Variants in KCTD8 observed in about 807,000 individuals in gnomAD.
The protein encoded by KCTD8 is BTB/POZ domain-containing protein KCTD8.
KCTD8 carries 27 observed loss-of-function variants against 31.5 expected under a neutral mutation model. The observed-to-expected ratio is 0.86, with a 90% CI of 0.63 to 1.18. The LOEUF (loss-of-function observed/expected upper bound fraction) is 1.18. Among genes scored for constraint, KCTD8 ranks in the 50% most tolerant of loss-of-function variants. The probability of loss-of-function intolerance (pLI) is 0.00; values close to 1 mark genes in which losing one functional copy is unlikely to be tolerated. For synonymous variants in KCTD8, 290 were observed against 280.0 expected, an observed-to-expected ratio of 1.04 and a Z score of -0.36; for missense variants, 658 against 647.7, an observed-to-expected ratio of 1.02 and a Z score of -0.17.
intron 1 of KCTD8, among the ~76,000 whole-genome samples, chr4:44,226,039 A>G (rs1266841424): frequency 6.6e-6 from 1 of 152,106 alleles, no homozygotes; most frequent in African/African-American, 2.4e-5. Context: ...CGTGTTAGCC[A>G]GGATGGTCTC....
intron 1 of KCTD8, among the ~76,000 whole-genome samples, chr4:44,347,245 A>C (rs12507610): frequency 0.23 from 35,502 of 152,198 alleles, 4,840 homozygotes; most frequent in Non-Finnish European, 0.31. Context: ...ACACCTAATA[A>C]ATGAAAGGTC....
chr4:44,186,655 C>A (rs572790910), intron 1 of KCTD8, among the ~76,000 whole-genome samples: 1 of 152,204 alleles, frequency 6.6e-6, no homozygotes, highest in East Asian at 1.9e-4. Context: ...GCGTCCTCCC[C>A]CTAGGGGTTT....
chr4:44,188,564 C>T (rs76231947), intron 1 of KCTD8, among the ~76,000 whole-genome samples: 1,532 of 152,176 alleles, frequency 0.01, 23 homozygotes, highest in African/African-American at 0.035. Context: ...GATAGCAGGC[C>T]CGAATCCCTG....
intron 1 of KCTD8, among the ~76,000 whole-genome samples, chr4:44,419,570 A>G (rs1721161688): frequency 6.6e-6 from 1 of 152,168 alleles, no homozygotes; most frequent in African/African-American, 2.4e-5. Flanking sequence ...ATGAAGCTGG[A>G]AACCATCATT....
intron 1 of KCTD8, among the ~76,000 whole-genome samples, chr4:44,205,056 C>T (rs927567299): frequency 7.2e-5 from 11 of 151,874 alleles, no homozygotes; most frequent in African/African-American, 2.7e-4. Context: ...GTAATGTGTT[C>T]TTTACTAGAA....
At chr4:44,206,668 C>T in intron 1 of KCTD8, among the ~76,000 whole-genome samples, 1 of 152,136 alleles carries the variant, frequency 6.6e-6, no homozygotes, top group East Asian at 1.9e-4. Flanking sequence ...TCTCTGCATA[C>T]CCCAATGAGA....
At chr4:44,265,024 CTT>C (rs1716300413) in intron 1 of KCTD8, among the ~76,000 whole-genome samples, 1 of 152,156 alleles carries the variant, frequency 6.6e-6, no homozygotes, top group Admixed American at 6.5e-5. Context: ...TGTCTGACAG[CTT>C]TGAAGAGAGC....
At position 44,446,530 on chromosome 4, in the gene KCTD8, CCCCACTCCCAAT is replaced by C. The variant is rs200517470; in HGVS notation, c.961+1021_961+1032del. ...GAGAATTGTGCCCACCACAGCCCCA[CCCCACTCCCAAT>C]CCCACTCCCAATCCCCAGGTTCAGA... On this transcript the variant is annotated intron_variant, in intron 1 of 1. Coordinates refer to ENST00000360029, the MANE Select transcript of KCTD8 (RefSeq NM_198353.3). Among the ~76,000 whole-genome samples, 1,224 of 152,132 alleles carry C rather than the reference CCCCACTCCCAAT, an allele frequency of 8.0e-3. 22 individuals are homozygous for C. Among genetic ancestry groups the C allele is most frequent in the Admixed American group, 0.018 (279 of 15,292 alleles).
intron 1 of KCTD8, among the ~76,000 whole-genome samples, chr4:44,245,627 A>G (rs1715641633): frequency 6.6e-6 from 1 of 151,990 alleles, no homozygotes; most frequent in South Asian, 2.1e-4. Flanking sequence ...AGAAAGTGAT[A>G]AAGGAGACTA....
chr4:44,417,063 A>G (rs1226801869), intron 1 of KCTD8, among the ~76,000 whole-genome samples: 1 of 152,166 alleles, frequency 6.6e-6, no homozygotes, highest in East Asian at 1.9e-4. Context: ...CAGTTAAGTA[A>G]CTTGTTCAAG....
intron 1 of KCTD8, among the ~76,000 whole-genome samples, chr4:44,304,951 T>A (rs1717756721): frequency 6.6e-6 from 1 of 150,906 alleles, no homozygotes; most frequent in Non-Finnish European, 1.5e-5. Flanking sequence ...CAGAACTAGA[T>A]CCTGTCTAGA....
chr4:44,233,731 C>A (rs956061907), intron 1 of KCTD8, among the ~76,000 whole-genome samples: 2 of 152,062 alleles, frequency 1.3e-5, no homozygotes, highest in Non-Finnish European at 2.9e-5. Context: ...CACAAGAATT[C>A]TATTATTCTC....
intron 1 of KCTD8, among the ~76,000 whole-genome samples, chr4:44,337,290 C>A (rs949699623): frequency 3.9e-5 from 6 of 151,910 alleles, no homozygotes; most frequent in Non-Finnish European, 2.9e-5. Flanking sequence ...AAAAAAGGAC[C>A]TTGATCAAAA....
intron 1 of KCTD8, among the ~76,000 whole-genome samples, chr4:44,205,009 C>T (rs1202972984): frequency 1.3e-5 from 2 of 151,932 alleles, no homozygotes. Context: ...GTCTAGTGGA[C>T]TTTATTGATG....
intron 1 of KCTD8, among the ~76,000 whole-genome samples, chr4:44,198,545 A>G (rs1323876096): frequency 1.3e-5 from 2 of 152,210 alleles, no homozygotes; most frequent in African/African-American, 4.8e-5. Flanking sequence ...AAAATTTCAT[A>G]TCCCACCAAG....
chr4:44,325,840 T>C (rs527906320), intron 1 of KCTD8, among the ~76,000 whole-genome samples: 2 of 152,044 alleles, frequency 1.3e-5, no homozygotes, highest in East Asian at 3.9e-4. Context: ...ATAATCGAGC[T>C]AGTGTTATTA....
intron 1 of KCTD8, among the ~76,000 whole-genome samples, chr4:44,220,935 T>C (rs955704956): frequency 6.6e-6 from 1 of 152,222 alleles, no homozygotes; most frequent in African/African-American, 2.4e-5. Flanking sequence ...GGAATACATG[T>C]GATGAATTTT....
chr4:44,331,968 C>T (rs967669373), intron 1 of KCTD8, among the ~76,000 whole-genome samples: 7 of 151,356 alleles, frequency 4.6e-5, no homozygotes, highest in Admixed American at 1.3e-4. Context: ...TTCAAAAACC[C>T]GAAATAAGGC....
intron 1 of KCTD8, among the ~76,000 whole-genome samples, chr4:44,180,587 G>GCACACACACACACA (rs201708007): frequency 7.2e-6 from 1 of 139,130 alleles, no homozygotes; most frequent in Non-Finnish European, 1.6e-5. Context: ...ATACATACAT[G>GCACACACACACACA]CACACACACA....
Sources: allele counts gnomAD v4.1 joint callset (sites outside exome capture counted in the v4.1 genomes callset), GRCh38; gene constraint gnomAD v4.1.1; transcripts MANE v1.5; gene names NCBI Gene and HGNC (gene_info 2026-07-23, HGNC 2026-07-21).